Variants in APP observed in about 807,000 individuals in gnomAD.
APP encodes the protein amyloid beta precursor protein.
APP carries 31 observed loss-of-function variants against 101.4 expected under a neutral mutation model. The observed-to-expected ratio is 0.31, with a 90% CI of 0.23 to 0.41. The LOEUF is 0.41. Ranked by LOEUF, APP falls within the 10% of genes least tolerant of loss-of-function variation. APP has a pLI of 1.00. For missense variants in APP, 839 were observed against 1,003.7 expected (o/e 0.84, Z 2.22); for synonymous variants, 366 against 364.4 (o/e 1.00, Z -0.05).
intron 13 of APP, among the ~76,000 whole-genome samples, chr21:25,914,682 T>C (rs991096720): frequency 2.0e-5 from 3 of 151,220 alleles, no homozygotes; most frequent in Non-Finnish European, 2.9e-5. Flanking sequence ...GCCTCCCGAG[T>C]AGCTGGGACT....
At chr21:25,916,074 C>T (rs954320348) in intron 13 of APP, among the ~76,000 whole-genome samples, 2 of 151,882 alleles carry the variant, frequency 1.3e-5, no homozygotes, top group Non-Finnish European at 2.9e-5. Context: ...CTATGTCATT[C>T]AGAACAACGA....
At chr21:25,897,751 C>T (rs112182125) in intron 15 of APP, 78 bp from the exon 16 acceptor site, 1 of 1,213,480 alleles carries the variant, frequency 8.2e-7, no homozygotes, top group Non-Finnish European at 1.2e-6. Flanking sequence ...AAGACAAAGC[C>T]TACCCAAAAC....
chr21:25,900,378 C>CAAAAAAAAAA (rs60231150), intron 15 of APP, among the ~76,000 whole-genome samples: 12 of 59,448 alleles, frequency 2.0e-4, no homozygotes, highest in Non-Finnish European at 2.7e-4. Flanking sequence ...ACTAAAAATA[C>CAAAAAAAAAA]AAAAAAAAAA....
At chr21:26,030,568 C>T (rs958971243) in intron 5 of APP, among the ~76,000 whole-genome samples, 1 of 152,032 alleles carries the variant, frequency 6.6e-6, no homozygotes, top group Non-Finnish European at 1.5e-5. Context: ...AATATAATTA[C>T]AGTAAAAGGC....
At chr21:25,909,396 C>A (rs971272251) in intron 14 of APP, among the ~76,000 whole-genome samples, 2 of 151,882 alleles carry the variant, frequency 1.3e-5, no homozygotes, top group African/African-American at 4.8e-5. Flanking sequence ...ACTGCAAGTT[C>A]TATTGCCTCC....
chr21:25,966,395 C>T (rs982785444), intron 11 of APP, among the ~76,000 whole-genome samples: 1 of 152,090 alleles, frequency 6.6e-6, no homozygotes, highest in Non-Finnish European at 1.5e-5. Context: ...GGATGGTGAA[C>T]AAATAAATAA....
At chr21:25,952,213 CACACACACACACAT>C (rs2041114071) in intron 13 of APP, among the ~76,000 whole-genome samples, 3 of 151,754 alleles carry the variant, frequency 2.0e-5, no homozygotes, top group Non-Finnish European at 4.4e-5. Context: ...CACACACACA[CACACACACACACAT>C]TAAGAGCACA....
chr21:26,156,860 T>TA (rs2063384910), intron 1 of APP, among the ~76,000 whole-genome samples: 1 of 151,854 alleles, frequency 6.6e-6, no homozygotes, highest in African/African-American at 2.4e-5. Context: ...GCTTCACGGG[T>TA]GAAAAAAAGT....
rs761238827 is a variant in APP, at chr21:26,053,367, A to C, written c.356-19T>G. 2.0e-6 allele frequency: 3 copies of C among 1,489,912 alleles called. No individual in the cohort carries two copies. In the African/African-American group the frequency reaches 4.1e-5, roughly 21 times the overall value. 92.3% of individuals were successfully genotyped at this position (1,489,912 alleles called of 1,614,324 possible). A position where few individuals can be genotyped will look rare whatever the true frequency, so the allele number is the denominator to read the frequency against. ...TCACCAACTGAAAGAAAGGAAAACC[A>C]CTTCCCGTCATTCCATCTGTATCAC... is the stretch of plus-strand genomic sequence containing the variant. On this transcript the variant is annotated intron_variant, in intron 3 of 17. Coordinates refer to ENST00000346798, the MANE Select transcript of APP (RefSeq NM_000484.4).
chr21:26,045,960 G>A (rs1002355162), intron 5 of APP, among the ~76,000 whole-genome samples: 3 of 152,200 alleles, frequency 2.0e-5, no homozygotes, highest in African/African-American at 4.8e-5. Context: ...AGGCAAGGAG[G>A]AGCAAGTCAT....
At chr21:25,961,518 C>T (rs1247219361) in intron 11 of APP, among the ~76,000 whole-genome samples, 1 of 151,936 alleles carries the variant, frequency 6.6e-6, no homozygotes, top group African/African-American at 2.4e-5. Context: ...TATATGATTC[C>T]TGCATATTTC....
At chr21:26,034,730 C>T (rs533767388) in intron 5 of APP, among the ~76,000 whole-genome samples, 156 of 151,438 alleles carry the variant, frequency 1.0e-3, no homozygotes, top group African/African-American at 3.5e-3. Flanking sequence ...ACTAGAGAGA[C>T]CAATCAGGAA....
chr21:25,929,902 T>C (rs538157103), intron 13 of APP, among the ~76,000 whole-genome samples: 1 of 152,284 alleles, frequency 6.6e-6, no homozygotes, highest in South Asian at 2.1e-4. Flanking sequence ...TCCCATTTTT[T>C]CTGCTGGAGC....
intron 5 of APP, among the ~76,000 whole-genome samples, chr21:26,049,501 C>G (rs2045747897): frequency 6.6e-6 from 1 of 151,874 alleles, no homozygotes; most frequent in Non-Finnish European, 1.5e-5. Flanking sequence ...GATAGGTCAT[C>G]AAGACAGAGA....
chr21:25,925,157 G>C (rs439196), intron 13 of APP, among the ~76,000 whole-genome samples: 152,295 of 152,296 alleles, frequency 1, 76,147 homozygotes, highest in Non-Finnish European at 1. Context: ...TACCCAGGAG[G>C]CCCACTGTAA....
intron 13 of APP, among the ~76,000 whole-genome samples, chr21:25,923,365 C>A (rs991494081): frequency 1.5e-3 from 228 of 148,848 alleles, no homozygotes; most frequent in African/African-American, 5.6e-3. Context: ...GCAACAAAAG[C>A]CAAAATGGAC....
At chr21:26,108,609 G>A (rs1420836464) in intron 2 of APP, among the ~76,000 whole-genome samples, 2 of 82 alleles carry the variant, frequency 0.024, no homozygotes, top group Non-Finnish European at 0.036. Flanking sequence ...AGTCTAGGCC[G>A]GGTGCGGGTG....
intron 11 of APP, among the ~76,000 whole-genome samples, chr21:25,968,797 G>C (rs927304867): frequency 1.3e-5 from 2 of 152,046 alleles, no homozygotes; most frequent in Non-Finnish European, 2.9e-5. Flanking sequence ...GAGAATATAC[G>C]GTAGAATTTG....
intron 3 of APP, chr21:26,089,535 T>G (rs1601430820): frequency 8.2e-6 from 1 of 121,858 alleles, no homozygotes; most frequent in East Asian, 2.7e-4. Flanking sequence ...TTTTAGAAAT[T>G]AACAAAATGC....
Sources: gnomAD v4.1 joint callset for allele counts (sites outside exome capture counted in the v4.1 genomes callset) on GRCh38, gnomAD v4.1.1 for gene constraint, MANE v1.5 for transcripts, NCBI Gene and HGNC (gene_info 2026-07-23, HGNC 2026-07-21) for gene names.